The following JARID2 variants were observed in gnomAD, a reference collection of about 807,000 sequenced individuals.
The protein encoded by JARID2 is protein Jumonji.
Under a neutral mutation model 125.6 loss-of-function variants are expected in JARID2, and 21 were observed. That is an observed-to-expected ratio of 0.17 (90% CI 0.12 to 0.24). JARID2 has a LOEUF of 0.24. Among genes scored for constraint, JARID2 ranks in the 10% least tolerant of loss-of-function variants. The pLI, the probability that JARID2 is intolerant of heterozygous loss-of-function variation, is 1.00. For missense variants in JARID2, 1,303 were observed against 1,639.6 expected (o/e 0.79, Z 3.55); for synonymous variants, 736 against 661.6 (o/e 1.11, Z -1.73).
intron 2 of JARID2, among the ~76,000 whole-genome samples, chr6:15,383,194 G>T (rs1262173613): frequency 2.0e-5 from 3 of 151,802 alleles, no homozygotes; most frequent in Non-Finnish European, 4.4e-5. Flanking sequence ...TTGAAACAGG[G>T]TCTTGCATGT....
intron 2 of JARID2, among the ~76,000 whole-genome samples, chr6:15,404,541 A>G (rs879640968): frequency 0.03 from 4,227 of 141,598 alleles, 89 homozygotes; most frequent in Non-Finnish European, 0.042. Context: ...ACACACACAC[A>G]CACACACACA....
At chr6:15,515,772 A>AAAACAG (rs1398572887) in intron 16 of JARID2, among the ~76,000 whole-genome samples, 3 of 151,724 alleles carry the variant, frequency 2.0e-5, no homozygotes, top group Admixed American at 6.6e-5. Flanking sequence ...AACAAAAACA[A>AAAACAG]AAACCAGGCA....
chr6:15,372,735 A>G (rs576010536), intron 1 of JARID2, among the ~76,000 whole-genome samples: 1 of 150,942 alleles, frequency 6.6e-6, no homozygotes, highest in South Asian at 2.1e-4. Context: ...TTTGAGACTG[A>G]GTCTCACTCT....
intron 1 of JARID2, among the ~76,000 whole-genome samples, chr6:15,296,050 G>A (rs778010886): frequency 6.6e-6 from 1 of 152,166 alleles, no homozygotes; most frequent in Non-Finnish European, 1.5e-5. Context: ...CTAGACTCTC[G>A]TGCACAAAAG....
rs138101804 is a variant in JARID2, at chr6:15,371,459, A to G, written c.46-2658A>G. 1.7e-3 allele frequency among the ~76,000 whole-genome samples: 259 copies of G among 152,346 alleles called. 2 individuals are homozygous for G. The highest frequency in any genetic ancestry group is 5.3e-3 in the African/African-American group (222 of 41,576). On this transcript the variant is annotated intron_variant, in intron 1 of 17. Transcript: ENST00000341776. Reference sequence around the variant, plus strand: ...AAGAGAATTCTGTCTGACAGCCTTTATGAATAGACTGAGGCTGCTGAAGAG... The same window carrying G: ...AAGAGAATTCTGTCTGACAGCCTTTGTGAATAGACTGAGGCTGCTGAAGAG...
At chr6:15,464,680 C>T (rs1768624463) in intron 4 of JARID2, among the ~76,000 whole-genome samples, 1 of 152,158 alleles carries the variant, frequency 6.6e-6, no homozygotes, top group Admixed American at 6.5e-5. Flanking sequence ...TATTCTGCTT[C>T]AATCCCTTTC....
At chr6:15,416,382 C>CTCCA (rs1175473587) in intron 3 of JARID2, among the ~76,000 whole-genome samples, 1 of 152,216 alleles carries the variant, frequency 6.6e-6, no homozygotes, top group African/African-American at 2.4e-5. Context: ...CGCCACTGCA[C>CTCCA]TCCAGCCTGG....
rs80328983 is a variant in JARID2 at position 15,310,080 on chromosome 6, G to C, written c.45+63496G>C. Among the ~76,000 whole-genome samples the C allele has an allele frequency of 6.9e-3, 1,057 of 152,294 alleles. 16 individuals carry two copies. Among genetic ancestry groups the C allele is most frequent in the African/African-American group, 0.023 (973 of 41,546 alleles). ...CTCTTAATGAGATTAAGGCCAGGGA[G>C]GCTTTCCCAGGTTGGCTGGATGGGC... On this transcript the variant is annotated intron_variant, in intron 1 of 17. Coordinates refer to ENST00000341776, the MANE Select transcript of JARID2 (RefSeq NM_004973.4).
At chr6:15,325,325 C>T (rs1762503041) in intron 1 of JARID2, among the ~76,000 whole-genome samples, 2 of 152,150 alleles carry the variant, frequency 1.3e-5, no homozygotes, top group Admixed American at 6.5e-5. Context: ...GCCTCACTCT[C>T]CGTGTTATAT....
intron 3 of JARID2, among the ~76,000 whole-genome samples, chr6:15,422,749 C>T (rs1388745269): frequency 2.0e-5 from 3 of 152,180 alleles, no homozygotes; most frequent in Non-Finnish European, 4.4e-5. Flanking sequence ...CGAAATCTGA[C>T]TGGTTTTGTG....
chr6:15,504,742 C>A, intron 9 of JARID2, 150 bp downstream of exon 9: 2 of 607,076 alleles, frequency 3.3e-6, no homozygotes, highest in South Asian at 1.9e-5. Flanking sequence ...GAGCGTGCAC[C>A]AGGGCAGCCA....
intron 1 of JARID2, among the ~76,000 whole-genome samples, chr6:15,373,608 T>C (rs868780515): frequency 9.8e-5 from 15 of 152,328 alleles, no homozygotes; most frequent in Middle Eastern, 3.4e-3. Context: ...CAATTCCATG[T>C]CTTCTGACTG....
At chr6:15,475,102 A>G (rs1358776363) in intron 5 of JARID2, among the ~76,000 whole-genome samples, 1 of 152,246 alleles carries the variant, frequency 6.6e-6, no homozygotes, top group Admixed American at 6.5e-5. Flanking sequence ...TCTTTCCTGC[A>G]AAATTTCACT....
At chr6:15,392,081 T>A (rs965973255) in intron 2 of JARID2, among the ~76,000 whole-genome samples, 1 of 132,652 alleles carries the variant, frequency 7.5e-6, no homozygotes, top group African/African-American at 2.7e-5. Flanking sequence ...TGTGTGTGCG[T>A]GTCTGGAGGT....
Position 15,436,828 on chromosome 6 carries a change from A to G in JARID2, c.324-15178A>G, listed in dbSNP as rs138538706. On this transcript the variant is annotated intron_variant, in intron 3 of 17. Transcript: ENST00000341776. ...TTTCTTGTGATTTTTTTTTTCCCCC[A>G]TAATGTTTATATTCTGTGTTTTCCT... 6.5e-3 allele frequency among the ~76,000 whole-genome samples: 990 copies of G among 151,204 alleles called. 6 individuals are homozygous for G. The highest frequency in any genetic ancestry group is 0.011 in the Non-Finnish European group (741 of 67,796).
chr6:15,476,450 G>A (rs1256355457), intron 5 of JARID2, among the ~76,000 whole-genome samples: 1 of 152,132 alleles, frequency 6.6e-6, no homozygotes, highest in Non-Finnish European at 1.5e-5. Context: ...TTCTTCCTCC[G>A]AGCAGGAGTC....
At chr6:15,357,881 G>A (rs1379758734) in intron 1 of JARID2, among the ~76,000 whole-genome samples, 1 of 152,122 alleles carries the variant, frequency 6.6e-6, no homozygotes, top group African/African-American at 2.4e-5. Context: ...TCTTCCAGAT[G>A]TGTTTCTTTG....
At chr6:15,442,799 C>T (rs1561865574) in intron 3 of JARID2, among the ~76,000 whole-genome samples, 2 of 152,200 alleles carry the variant, frequency 1.3e-5, no homozygotes, top group South Asian at 2.1e-4. Context: ...TTTCCTTGAT[C>T]ATGACAGTCA....
At position 15,311,159 on chromosome 6, in the gene JARID2, TTAGAGGATTCA is replaced by T. The variant is rs538930556; in HGVS notation, c.46-62955_46-62945del. 3.8e-3 allele frequency among the ~76,000 whole-genome samples: 581 copies of T among 152,328 alleles called. 2 individuals carry two copies. Among genetic ancestry groups the T allele is most frequent in the Middle Eastern group, 0.024 (7 of 294 alleles). On this transcript the variant is annotated intron_variant, in intron 1 of 17. Transcript: ENST00000341776. ...GCTTGTGACAGTAGGAGTTGGGATC[TTAGAGGATTCA>T]TATCACCCTTGCTCCTAATCCAGTA...
Sources: allele counts gnomAD v4.1 joint callset (sites outside exome capture counted in the v4.1 genomes callset), GRCh38; gene constraint gnomAD v4.1.1; transcripts MANE v1.5; gene names NCBI Gene and HGNC (gene_info 2026-07-23, HGNC 2026-07-21).